NR2C1: variants seen among roughly 807,000 people sequenced by gnomAD.
The protein encoded by NR2C1 is TR2 nuclear hormone receptor.
Under a neutral mutation model 74.8 loss-of-function variants are expected in NR2C1, and 33 were observed. That is an observed-to-expected ratio of 0.44 (90% CI 0.33 to 0.59). NR2C1 has a LOEUF of 0.59. NR2C1 is among the 20% of genes least tolerant of loss of function. The pLI is 0.02. For missense variants in NR2C1, 568 were observed against 715.6 expected (o/e 0.79, Z 2.35); for synonymous variants, 225 against 240.6 (o/e 0.94, Z 0.60).
intron 12 of NR2C1, 191 bp from the exon 13 acceptor site, chr12:95,025,446 G>T (rs960407407): frequency 1.8e-5 from 7 of 394,688 alleles, no homozygotes; most frequent in African/African-American, 1.3e-4. Flanking sequence ...ATCATCTGAG[G>T]TCAGGAGTTC....
intron 4 of NR2C1, among the ~76,000 whole-genome samples, chr12:95,059,040 G>A (rs909330792): frequency 5.9e-5 from 9 of 152,112 alleles, no homozygotes; most frequent in South Asian, 2.1e-4. Context: ...GGTAACTCAC[G>A]CCTGTAATCC....
Position 95,022,404 on chromosome 12 carries a change from C to A in NR2C1, c.1638-1G>T. The A allele has an allele frequency of 1.3e-6, 2 of 1,593,448 alleles. No individual in the cohort carries two copies. The highest frequency in any genetic ancestry group is 1.7e-6 in the Non-Finnish European group (2 of 1,174,888). On this transcript the variant is annotated splice_acceptor_variant, in intron 13 of 13. Transcript: ENST00000333003. LOFTEE classifies it high-confidence loss of function. ...CAATCTGAGTAGTAGTCTGGATAAC[C>A]TAAAAAAAGAAAGAAAAAAGGGAGA...
chr12:95,051,933 C>T lies in NR2C1; in HGVS notation c.794G>A (p.Cys265Tyr). 2 of 1,573,380 alleles carry T rather than the reference C, an allele frequency of 1.3e-6. No homozygotes were observed. The highest frequency in any genetic ancestry group is 8.6e-7 in the Non-Finnish European group (1 of 1,165,378). ...VLMTSDKAES[C>Y]QGDLSTLANV... is the part of the protein sequence containing the mutation. Reference sequence around the variant, plus strand: ...GGCCAATGTACTTAAATCTCCCTGACATGATTCAGCCTTTAAAAAAAAGGG... The same window carrying T: ...GGCCAATGTACTTAAATCTCCCTGATATGATTCAGCCTTTAAAAAAAAGGG... Residue 265 changes from cysteine to tyrosine, a missense_variant, in exon 8 of 14, where the codon TGT becomes TAT. Cys to Tyr is a radical substitution (Grantham distance 194). Transcript: ENST00000333003.
At chr12:95,064,025 CAAA>C (rs36124945) in intron 2 of NR2C1, among the ~76,000 whole-genome samples, 1 of 69,488 alleles carries the variant, frequency 1.4e-5, no homozygotes, top group Admixed American at 1.9e-4. Context: ...GACTCTGCCT[CAAA>C]AAAAAAAAAA....
At chr12:95,060,007 A>AAC in intron 3 of NR2C1, 23 bp from the exon 4 acceptor site, 1 of 1,472,758 alleles carries the variant, frequency 6.8e-7, no homozygotes, top group Non-Finnish European at 9.1e-7. Flanking sequence ...AAAAAAAAAA[A>AAC]GAAAACAAAA....
chr12:95,057,798 T>A lies in NR2C1; in HGVS notation c.625A>T (p.Ile209Phe), dbSNP rs749125776. The A allele has an allele frequency of 1.2e-6, 2 of 1,614,154 alleles. No individual in the cohort carries two copies. Among genetic ancestry groups the A allele is most frequent in the Non-Finnish European group, 1.7e-6 (2 of 1,179,990 alleles). ...AATGGGCTACGAAGGTCCTTTCGGA[T>A]ATAGATTTTTTCTGTTGAAGCGGCA... The part of the protein sequence containing the change: ...NCAASTEKIY[I>F]RKDLRSPLTA... Residue 209 changes from isoleucine (I) to phenylalanine (F), a missense_variant, in exon 6 of 14, where the codon ATC (isoleucine) becomes TTC (phenylalanine). Ile to Phe is a conservative substitution (Grantham distance 21, BLOSUM62 0). Transcript: ENST00000333003.
At chr12:95,068,750 C>A (rs967751833) in intron 1 of NR2C1, among the ~76,000 whole-genome samples, 4 of 150,890 alleles carry the variant, frequency 2.7e-5, no homozygotes, top group Non-Finnish European at 5.9e-5. Flanking sequence ...GCCGAGATTG[C>A]ACCATTGCAC....
rs376919715 is a variant in NR2C1, at chr12:95,034,480, C to T, written c.1254-2992G>A. On this transcript the variant is annotated intron_variant, in intron 10 of 13. Coordinates refer to ENST00000333003, the MANE Select transcript of NR2C1 (RefSeq NM_003297.4). ...AGTATTCATTCTCATACACTGCTGA[C>T]GTGAACATAAACTGGATCAACATCT... is the stretch of plus-strand genomic sequence containing the variant. Among the ~76,000 whole-genome samples the T allele has an allele frequency of 5.0e-4, 76 of 152,258 alleles. 1 individual carries two copies. In the South Asian group the frequency reaches 0.015, roughly 30 times the overall value.
intron 1 of NR2C1, among the ~76,000 whole-genome samples, chr12:95,070,984 G>A (rs920506025): frequency 6.6e-6 from 1 of 152,236 alleles, no homozygotes; most frequent in Non-Finnish European, 1.5e-5. Context: ...TGGATCACCT[G>A]AGGTCAAGAG....
At chr12:95,063,357 A>G (rs1229474639) in intron 2 of NR2C1, among the ~76,000 whole-genome samples, 1 of 152,188 alleles carries the variant, frequency 6.6e-6, no homozygotes, top group Non-Finnish European at 1.5e-5. Context: ...TGTGAGGCAC[A>G]AGGCACAGCA....
At chr12:95,031,557 G>A in intron 10 of NR2C1, 69 bp from the exon 11 acceptor site, 1 of 1,214,514 alleles carries the variant, frequency 8.2e-7, no homozygotes, top group Non-Finnish European at 1.1e-6. Flanking sequence ...CTTACAGCTA[G>A]TCCAAATACT....
intron 1 of NR2C1, among the ~76,000 whole-genome samples, chr12:95,071,914 A>G (rs1206547331): frequency 6.6e-6 from 1 of 150,700 alleles, no homozygotes; most frequent in Non-Finnish European, 1.5e-5. Context: ...ACGCCCGACT[A>G]ATTTTGTATT....
rs1034101659 is a variant in NR2C1, at chr12:95,021,939, C to T, written c.*290G>A. On this transcript the variant is annotated 3_prime_UTR_variant, in exon 14 of 14. Coordinates refer to ENST00000333003, the MANE Select transcript of NR2C1 (RefSeq NM_003297.4). ...TATTTGTTTTATAAAATAGAATGAG[C>T]GCTTAGTTTAGATAATCAAGAGGTG... The T allele has an allele frequency of 4.8e-5, 10 of 210,014 alleles. No homozygotes were observed. Among genetic ancestry groups the T allele is most frequent in the African/African-American group, 1.2e-4 (5 of 43,434 alleles). 13.0% of individuals were successfully genotyped at this position (210,014 alleles called of 1,614,324 possible).
chr12:95,067,408 G>A lies in NR2C1; in HGVS notation c.-7-17C>T. 6.4e-7 allele frequency: 1 copy of A among 1,572,952 alleles called. No individual in the cohort carries two copies. The highest frequency in any genetic ancestry group is 8.7e-7 in the Non-Finnish European group (1 of 1,143,282). ...ATGATCTACCTGCCAAAAATAAAAA[G>A]ATGTTTTATAATTAAACTCACAAAA... On this transcript the variant is annotated splice_polypyrimidine_tract_variant and intron_variant, in intron 1 of 13. Coordinates refer to ENST00000333003, the MANE Select transcript of NR2C1 (RefSeq NM_003297.4).
chr12:95,043,750 C>T (rs1450803939), intron 9 of NR2C1, among the ~76,000 whole-genome samples: 1 of 149,662 alleles, frequency 6.7e-6, no homozygotes, highest in Non-Finnish European at 1.5e-5. Flanking sequence ...AATATTAATA[C>T]TTGTAATGTG....
intron 10 of NR2C1, among the ~76,000 whole-genome samples, chr12:95,037,747 T>A (rs1871032213): frequency 6.6e-6 from 1 of 151,978 alleles, no homozygotes; most frequent in Admixed American, 6.6e-5. Context: ...TACAAAAAAT[T>A]AGCCGGGTGT....
At chr12:95,055,975 A>AAAAAAAT (rs1873791953) in intron 7 of NR2C1, among the ~76,000 whole-genome samples, 2 of 150,610 alleles carry the variant, frequency 1.3e-5, no homozygotes, top group African/African-American at 4.9e-5. Context: ...AAAAAAAAAA[A>AAAAAAAT]TCAGATCCCA....
At chr12:95,048,105 T>C (rs1177232373) in intron 9 of NR2C1, among the ~76,000 whole-genome samples, 1 of 152,236 alleles carries the variant, frequency 6.6e-6, no homozygotes, top group Non-Finnish European at 1.5e-5. Flanking sequence ...TTTTAATTTA[T>C]AATAGAGATG....
At chr12:95,064,650 G>C (rs983905406) in intron 2 of NR2C1, among the ~76,000 whole-genome samples, 7 of 152,136 alleles carry the variant, frequency 4.6e-5, no homozygotes, top group Non-Finnish European at 1.0e-4. Flanking sequence ...GCCATCTGGG[G>C]GGGAGGAACA....
Sources: gnomAD v4.1 joint callset for allele counts (sites outside exome capture counted in the v4.1 genomes callset) on GRCh38, gnomAD v4.1.1 for gene constraint, MANE v1.5 for transcripts, NCBI Gene and HGNC (gene_info 2026-07-23, HGNC 2026-07-21) for gene names.